The following DOP1A variants were observed in gnomAD, a reference collection of about 807,000 sequenced individuals.
The protein encoded by DOP1A is DOP1 leucine zipper like protein A, also known as protein DOP1A.
DOP1A carries 90 observed loss-of-function variants against 267.6 expected under a neutral mutation model. The ratio of observed to expected loss-of-function variants is 0.34; its 90% CI spans 0.28 to 0.40. The LOEUF is 0.40. Ranked by LOEUF, DOP1A falls within the 10% of genes least tolerant of loss-of-function variation. The pLI is 1.00. For missense variants in DOP1A, 2,437 were observed against 2,900.4 expected, an observed-to-expected ratio of 0.84 and a Z score of 3.67; for synonymous variants, 932 against 999.1, an observed-to-expected ratio of 0.93 and a Z score of 1.27.
chr6:83,120,708 A>G lies in DOP1A; in HGVS notation c.1016A>G (p.Asn339Ser). Residue 339 changes from asparagine to serine, a missense_variant, in exon 10 of 39, where the codon AAT (asparagine) becomes AGT (serine). Asn to Ser is a conservative substitution (Grantham distance 46). Coordinates refer to ENST00000349129, the MANE Select transcript of DOP1A (RefSeq NM_015018.4). The part of the protein sequence containing the change: ...VQAMVGILQV[N>S]GFGEENTLMQ... ...GCAATGGTGGGAATCTTACAAGTGAATGGATTTGGAGAAGAGAACACTCTA... is the reference window on the plus strand; with the variant it reads ...GCAATGGTGGGAATCTTACAAGTGAGTGGATTTGGAGAAGAGAACACTCTA... 1.3e-6 allele frequency: 2 copies of G among 1,583,418 alleles called. No homozygotes were observed. The highest frequency in any genetic ancestry group is 1.7e-6 in the Non-Finnish European group (2 of 1,157,576).
chr6:83,169,358 G>A (rs1379285113), downstream of DOP1A: 1 of 1,610,894 alleles, frequency 6.2e-7, no homozygotes, highest in Non-Finnish European at 8.5e-7. Context: ...AGATGAGAAA[G>A]ACATAGCATG....
At chr6:83,170,592 C>T, downstream of DOP1A, 1 of 810,192 alleles carries the variant, frequency 1.2e-6, no homozygotes, top group Non-Finnish European at 2.0e-6. Context: ...TACATTAAAA[C>T]TTCTTTCTCC....
At chr6:83,118,477 A>G (rs577663412) in intron 7 of DOP1A, among the ~76,000 whole-genome samples, 3 of 152,174 alleles carry the variant, frequency 2.0e-5, no homozygotes, top group Non-Finnish European at 4.4e-5. Flanking sequence ...ATTTTTAAAA[A>G]GAATAAAGAG....
chr6:83,104,091 A>T (rs1209973198), intron 4 of DOP1A, among the ~76,000 whole-genome samples: 2 of 152,116 alleles, frequency 1.3e-5, no homozygotes, highest in Admixed American at 1.3e-4. Context: ...TATTTAAGAA[A>T]TCTTTGCTTG....
At chr6:83,152,845 T>C (rs1023655003) in intron 30 of DOP1A, among the ~76,000 whole-genome samples, 2 of 152,106 alleles carry the variant, frequency 1.3e-5, no homozygotes, top group African/African-American at 4.8e-5. Flanking sequence ...CTCGAACTCC[T>C]GACCTCAGGT....
intron 1 of DOP1A, among the ~76,000 whole-genome samples, chr6:83,077,803 A>G (rs1767373070): frequency 6.6e-6 from 1 of 152,236 alleles, no homozygotes; most frequent in Admixed American, 6.5e-5. Context: ...CCTGGGCCAC[A>G]TTGGAAGAAG....
intron 3 of DOP1A, among the ~76,000 whole-genome samples, chr6:83,099,457 A>C (rs1282096545): frequency 6.6e-6 from 1 of 151,960 alleles, no homozygotes; most frequent in East Asian, 1.9e-4. Context: ...TTTCCTAAAG[A>C]GTTTTGAAGA....
Position 83,122,975 on chromosome 6 carries a change from T to C in DOP1A, c.1333T>C (p.Cys445Arg), listed in dbSNP as rs947956179. The C allele has an allele frequency of 6.3e-7, 1 of 1,581,346 alleles. No homozygotes were observed. Among genetic ancestry groups the C allele is most frequent in the South Asian group, 1.2e-5 (1 of 83,528 alleles). Residue 445 changes from cysteine (C) to arginine (R), a missense_variant, in exon 12 of 39, where the codon TGT becomes CGT. Physicochemically the swap from Cys to Arg is radical, Grantham distance 180. Around this residue, in one of 9 missense-constraint regions of DOP1A, gnomAD observed 498 missense variants for 513.5 expected, o/e 0.97. Transcript: ENST00000349129. Reference sequence around the variant, plus strand: ...TTATGTTGCACGCTGGTTTGAAGAATGTTGTAGGTATGTTAAACTTTCATT... The same window carrying C: ...TTATGTTGCACGCTGGTTTGAAGAACGTTGTAGGTATGTTAAACTTTCATT... ...WDYVARWFEE[C>R]CRRTLHVRLQ...
rs777306085 is a variant in DOP1A at position 83,140,353 on chromosome 6, A to G, written c.5365A>G (p.Thr1789Ala). 1.9e-6 allele frequency: 3 copies of G among 1,612,838 alleles called. No individual in the cohort carries two copies. The highest frequency in any genetic ancestry group is 2.5e-6 in the Non-Finnish European group (3 of 1,179,782). Reference sequence around the variant, plus strand: ...TCAAGCTGATTCTTCAGAAAAGATGACTATTGCCGCATCCGCATCTCTTAC... The same window carrying G: ...TCAAGCTGATTCTTCAGAAAAGATGGCTATTGCCGCATCCGCATCTCTTAC... The part of the protein sequence containing the change: ...LHQADSSEKM[T>A]IAASASLTTI... The change falls in exon 23 of 39, where the codon ACT (threonine) becomes GCT (alanine). Residue 1789 changes from threonine (T) to alanine (A), a missense_variant. By Grantham distance (58) the Thr-to-Ala change is moderately conservative. Transcript: ENST00000349129.
chr6:83,070,859 C>T (rs1292393321), intron 1 of DOP1A, among the ~76,000 whole-genome samples: 2 of 152,082 alleles, frequency 1.3e-5, no homozygotes, highest in Non-Finnish European at 1.5e-5. Context: ...ATATCATCTT[C>T]AAAATTTTGG....
At position 83,139,158 on chromosome 6, in the gene DOP1A, A is replaced by T; in HGVS notation, c.5116A>T (p.Ser1706Cys). Residue 1706 changes from serine to cysteine, a missense_variant, in exon 21 of 39, where the codon AGT (serine) becomes TGT (cysteine). Physicochemically the swap from Ser to Cys is moderately radical, Grantham distance 112. Around this residue, in one of 9 missense-constraint regions of DOP1A, gnomAD observed 307 missense variants for 308.6 expected, o/e 0.99. Transcript: ENST00000349129. ...CAAATACGAAACAGGATTATCTGAT[A>T]GTAGGTAAGAGGTGATTTTTAACTT... is the stretch of plus-strand genomic sequence containing the variant. ...QYKYETGLSDSRPLWMASIIP... is the reference protein window; with the variant it reads ...QYKYETGLSDCRPLWMASIIP... 6.2e-7 allele frequency: 1 copy of T among 1,606,308 alleles called. No individual in the cohort carries two copies. Among genetic ancestry groups the T allele is most frequent in the Non-Finnish European group, 8.5e-7 (1 of 1,174,384 alleles).
At position 83,145,660 on chromosome 6, in the gene DOP1A, T is replaced by C; in HGVS notation, c.5676+2T>C. The C allele has an allele frequency of 6.2e-7, 1 of 1,608,080 alleles. No homozygotes were observed. The highest frequency in any genetic ancestry group is 1.7e-5 in the Admixed American group (1 of 58,508). ...CCACCAGCCATAGCCAAGGACAAGG[T>C]AAGAAAAAACTCTTCTTCACATGTG... On this transcript the variant is annotated splice_donor_variant, in intron 25 of 38. Coordinates refer to ENST00000349129, the MANE Select transcript of DOP1A (RefSeq NM_015018.4). LOFTEE classifies it high-confidence loss of function.
Position 83,154,001 on chromosome 6 carries a change from T to C in DOP1A, c.6347T>C (p.Met2116Thr). The C allele has an allele frequency of 6.2e-7, 1 of 1,614,168 alleles. No individual in the cohort carries two copies. ...AWKKEAFDLF[M>T]DPSFFQMDAS... The stretch of plus-strand genomic sequence containing the variant: ...AAAAAAGAAGCTTTTGACCTCTTTA[T>C]GGATCCCAGTTTCTTTCAGATGGAT... The change falls in exon 32 of 39, where the codon ATG (methionine) becomes ACG (threonine). Residue 2116 changes from methionine to threonine, a missense_variant. Met to Thr is a moderately conservative substitution (Grantham distance 81, BLOSUM62 -1). This residue lies in a region of DOP1A where 216 missense variants were observed against 283.3 expected (regional missense o/e 0.76). Coordinates refer to ENST00000349129, the MANE Select transcript of DOP1A (RefSeq NM_015018.4).
intron 24 of DOP1A, 66 bp downstream of exon 24, chr6:83,142,112 C>T (rs935965317): frequency 6.4e-7 from 1 of 1,570,786 alleles, no homozygotes; most frequent in African/African-American, 1.4e-5. Context: ...ATTTCCACTT[C>T]TCCATATATT....
intron 20 of DOP1A, among the ~76,000 whole-genome samples, chr6:83,136,660 T>C (rs1225916677): frequency 6.6e-6 from 1 of 152,118 alleles, no homozygotes; most frequent in African/African-American, 2.4e-5. Flanking sequence ...TCTGGCTTCT[T>C]TTCTATTCCT....
chr6:83,108,430 C>T (rs1049240555), intron 4 of DOP1A, among the ~76,000 whole-genome samples: 1 of 152,180 alleles, frequency 6.6e-6, no homozygotes, highest in African/African-American at 2.4e-5. Flanking sequence ...CTCCCACCTC[C>T]GCCTTCCAAA....
At chr6:83,083,738 A>G (rs1255141299) in intron 1 of DOP1A, among the ~76,000 whole-genome samples, 1 of 152,162 alleles carries the variant, frequency 6.6e-6, no homozygotes, top group Non-Finnish European at 1.5e-5. Flanking sequence ...AGACAGGATG[A>G]TCCTTTGTAA....
At chr6:83,166,398 T>TA in intron 38 of DOP1A, 3 of 702,132 alleles carry the variant, frequency 4.3e-6, no homozygotes, top group Non-Finnish European at 7.8e-6. Context: ...CACGGCACTG[T>TA]ATGTTCATTA....
At chr6:83,145,435 AAAG>A (rs1334668908) in intron 24 of DOP1A, 86 bp from the exon 25 acceptor site, 1 of 1,190,128 alleles carries the variant, frequency 8.4e-7, no homozygotes. Context: ...AAATATAAAA[AAAG>A]AAGAGATCAT....
Sources: gnomAD v4.1 joint callset for allele counts (sites outside exome capture counted in the v4.1 genomes callset) on GRCh38, gnomAD v4.1.1 for gene constraint, gnomAD v4.1.1 regional missense constraint, MANE v1.5 for transcripts, NCBI Gene and HGNC (gene_info 2026-07-23, HGNC 2026-07-21) for gene names.